Variants in HECW2 observed in about 807,000 individuals in gnomAD.
HECW2 encodes HECT, C2 and WW domain containing E3 ubiquitin protein ligase 2, also known as E3 ubiquitin-protein ligase HECW2.
In HECW2, 61 loss-of-function variants were observed where a neutral mutation model predicts 175.2. The ratio of observed to expected loss-of-function variants is 0.35; its 90% CI spans 0.28 to 0.43. The LOEUF is 0.43. HECW2 is among the 20% of genes least tolerant of loss of function. HECW2 has a pLI of 1.00. For missense variants in HECW2, 1,524 were observed against 2,000.5 expected, an observed-to-expected ratio of 0.76 and a Z score of 4.54; for synonymous variants, 671 against 731.0, an observed-to-expected ratio of 0.92 and a Z score of 1.32.
At chr2:196,506,558 C>T (rs1687767716) in intron 1 of HECW2, among the ~76,000 whole-genome samples, 1 of 152,112 alleles carries the variant, frequency 6.6e-6, no homozygotes, top group Admixed American at 6.6e-5. Context: ...CACATACACA[C>T]TTATTTCATG....
At chr2:196,541,732 T>G (rs530992382) in intron 1 of HECW2, among the ~76,000 whole-genome samples, 1,927 of 94,186 alleles carry the variant, frequency 0.02, 39 homozygotes, top group African/African-American at 0.1. Flanking sequence ...CATTTAAAGG[T>G]TTTTTTTTTT....
At position 196,442,022 on chromosome 2, in the gene HECW2, A is replaced by G. The variant is rs1157693060; in HGVS notation, c.-35-8564T>C. On this transcript the variant is annotated intron_variant, in intron 1 of 28. Coordinates refer to ENST00000644978, the MANE Select transcript of HECW2 (RefSeq NM_001348768.2). ...ATGTAAATTTGGAAAAGGGATGTAC[A>G]CAAATAGAAATAATTTTAAGTTCCA... Among the ~76,000 whole-genome samples, 9 of 152,232 alleles carry G rather than the reference A, an allele frequency of 5.9e-5. No homozygotes were observed. The East Asian group carries it at 1.7e-3, about 29-fold the overall frequency.
At position 196,386,708 on chromosome 2, in the gene HECW2, T is replaced by A. The variant is rs1694361871; in HGVS notation, c.293-42944A>T. On this transcript the variant is annotated intron_variant, in intron 2 of 28. Transcript: ENST00000644978. Reference sequence around the variant, plus strand: ...GCAATGATTTTTGAATGTGACTAATTTCTGGCACAATCCCCAGTGTAGATA... The same window carrying A: ...GCAATGATTTTTGAATGTGACTAATATCTGGCACAATCCCCAGTGTAGATA... Among the ~76,000 whole-genome samples the A allele has an allele frequency of 4.6e-5, 7 of 152,176 alleles. No individual in the cohort carries two copies. In the South Asian group the frequency reaches 1.5e-3, roughly 32 times the overall value.
At chr2:196,497,168 A>G (rs1405260396) in intron 1 of HECW2, among the ~76,000 whole-genome samples, 1 of 152,212 alleles carries the variant, frequency 6.6e-6, no homozygotes, top group East Asian at 1.9e-4. Context: ...CCCCCAAAAT[A>G]TGCATGCTAA....
At chr2:196,435,473 A>G (rs543013525) in intron 1 of HECW2, among the ~76,000 whole-genome samples, 114 of 152,376 alleles carry the variant, frequency 7.5e-4, no homozygotes, top group African/African-American at 2.6e-3. Context: ...TAAAAAATGC[A>G]GGCTGTATAT....
intron 1 of HECW2, among the ~76,000 whole-genome samples, chr2:196,473,778 A>C (rs1384114949): frequency 6.6e-6 from 1 of 152,260 alleles, no homozygotes; most frequent in Non-Finnish European, 1.5e-5. Flanking sequence ...TCACTTGAAA[A>C]GCCCACGTGG....
chr2:196,371,065 T>C (rs954401508), intron 2 of HECW2, among the ~76,000 whole-genome samples: 6 of 152,154 alleles, frequency 3.9e-5, no homozygotes, highest in African/African-American at 1.4e-4. Context: ...TTGGTGTTAC[T>C]GTAAGAGGAC....
At chr2:196,527,955 C>T (rs112347347) in intron 1 of HECW2, among the ~76,000 whole-genome samples, 2 of 152,156 alleles carry the variant, frequency 1.3e-5, no homozygotes, top group Non-Finnish European at 2.9e-5. Context: ...TTTAAAAATA[C>T]AATGATAATG....
At chr2:196,462,052 GTGCGTATACATATATGTA>G (rs978642517) in intron 1 of HECW2, among the ~76,000 whole-genome samples, 4 of 151,978 alleles carry the variant, frequency 2.6e-5, no homozygotes, top group African/African-American at 9.7e-5. Flanking sequence ...ATATGTGTGT[GTGCGTATACATATATGTA>G]TACATATATG....
At chr2:196,346,753 C>G (rs969805791) in intron 2 of HECW2, among the ~76,000 whole-genome samples, 27 of 152,166 alleles carry the variant, frequency 1.8e-4, no homozygotes, top group African/African-American at 5.8e-4. Flanking sequence ...GTAATCCTAG[C>G]ACTTTTGGAG....
intron 1 of HECW2, among the ~76,000 whole-genome samples, chr2:196,532,977 A>T (rs1022759190): frequency 9.2e-5 from 14 of 152,350 alleles, no homozygotes; most frequent in South Asian, 4.1e-4. Flanking sequence ...GAAGAAAGTC[A>T]GATAACATAC....
intron 15 of HECW2, among the ~76,000 whole-genome samples, chr2:196,277,899 A>G (rs1690018882): frequency 7.1e-6 from 1 of 140,442 alleles, no homozygotes; most frequent in Non-Finnish European, 1.5e-5. Flanking sequence ...AACACCGCAT[A>G]TTCTCACTCA....
chr2:196,565,791 ATTGT>A lies in HECW2; in HGVS notation c.-36+27713_-36+27716del, dbSNP rs779798547. Among the ~76,000 whole-genome samples, 6 of 152,320 alleles carry A rather than the reference ATTGT, an allele frequency of 3.9e-5. No homozygotes were observed. In the East Asian group the frequency reaches 5.8e-4, roughly 15 times the overall value. ...ATTGTCTATAAAATAATAAAGAATA[ATTGT>A]TTGTGGATTTAAATGTTTCATTATA... On this transcript the variant is annotated intron_variant, in intron 1 of 28. Coordinates refer to ENST00000644978, the MANE Select transcript of HECW2 (RefSeq NM_001348768.2).
chr2:196,288,974 T>C (rs1055377997), intron 14 of HECW2: 2 of 152,264 alleles, frequency 1.3e-5, no homozygotes, highest in Non-Finnish European at 2.9e-5. Flanking sequence ...TCCTCTTCTA[T>C]ATAATGTGGA....
chr2:196,543,070 T>G (rs1479321019), intron 1 of HECW2, among the ~76,000 whole-genome samples: 1 of 150,530 alleles, frequency 6.6e-6, no homozygotes, highest in Non-Finnish European at 1.5e-5. Flanking sequence ...TTGTCAAATA[T>G]TAGCAGTTGC....
chr2:196,452,152 C>T (rs1240714869), intron 1 of HECW2, among the ~76,000 whole-genome samples: 1 of 152,088 alleles, frequency 6.6e-6, no homozygotes. Flanking sequence ...GGCTATTGAT[C>T]ATTTGAAATG....
At chr2:196,249,987 T>C (rs141024833) in intron 19 of HECW2, among the ~76,000 whole-genome samples, 2 of 152,352 alleles carry the variant, frequency 1.3e-5, no homozygotes, top group East Asian at 1.9e-4. Flanking sequence ...GCATTTGCGA[T>C]GCTAAATGAG....
chr2:196,338,969 T>A (rs1411421899), intron 3 of HECW2, among the ~76,000 whole-genome samples: 1 of 152,190 alleles, frequency 6.6e-6, no homozygotes, highest in Non-Finnish European at 1.5e-5. Flanking sequence ...TGTCTTCTCT[T>A]TAACAAGGGC....
intron 21 of HECW2, among the ~76,000 whole-genome samples, chr2:196,231,244 A>G (rs1688046488): frequency 6.6e-6 from 1 of 152,174 alleles, no homozygotes; most frequent in African/African-American, 2.4e-5. Flanking sequence ...GTCCAATGCC[A>G]TCATTTTATA....
Sources: gnomAD v4.1 joint callset for allele counts (sites outside exome capture counted in the v4.1 genomes callset) on GRCh38, gnomAD v4.1.1 for gene constraint, MANE v1.5 for transcripts, NCBI Gene and HGNC (gene_info 2026-07-23, HGNC 2026-07-21) for gene names.